Variants in FRMD4A observed in about 807,000 individuals in gnomAD.
The protein encoded by FRMD4A is FERM domain-containing protein 4A.
In FRMD4A, 29 loss-of-function variants were observed where a neutral mutation model predicts 129.1. That is an observed-to-expected ratio of 0.22 (90% confidence interval 0.17 to 0.31). FRMD4A has a LOEUF of 0.31. Ranked by LOEUF, FRMD4A falls within the 10% of genes least tolerant of loss-of-function variation. The pLI, the probability that FRMD4A is intolerant of heterozygous loss-of-function variation, is 1.00. For synonymous variants in FRMD4A, 634 were observed against 571.6 expected, an observed-to-expected ratio of 1.11 and a Z score of -1.56; for missense variants, 1,272 against 1,375.8, an observed-to-expected ratio of 0.92 and a Z score of 1.19.
At position 14,185,523 on chromosome 10, in the gene FRMD4A, G is replaced by T. The variant is rs551747930; in HGVS notation, c.45+144535C>A. On this transcript the variant is annotated intron_variant, in intron 2 of 24. Coordinates refer to ENST00000357447, the MANE Select transcript of FRMD4A (RefSeq NM_018027.5). The stretch of plus-strand genomic sequence containing the variant: ...TTCAAGTATTTTTTGGAGGTTTGTT[G>T]TAGAACTATGGAAACTTGAAACATA... 2.6e-5 allele frequency among the ~76,000 whole-genome samples: 4 copies of T among 152,172 alleles called. No individual in the cohort carries two copies. The South Asian group carries it at 6.2e-4, about 24-fold the overall frequency.
chr10:14,158,377 G>A (rs781676930), intron 2 of FRMD4A, among the ~76,000 whole-genome samples: 17 of 152,130 alleles, frequency 1.1e-4, no homozygotes, highest in African/African-American at 3.4e-4. Flanking sequence ...TTGGGAGGCC[G>A]AGGCAGGAAG....
intron 2 of FRMD4A, among the ~76,000 whole-genome samples, 164 bp from the exon 3 acceptor site, chr10:13,859,076 C>T (rs117119233): frequency 0.057 from 8,708 of 152,248 alleles, 328 homozygotes; most frequent in Admixed American, 0.1. Flanking sequence ...TTCATTCATT[C>T]ATTCAAAAAT....
chr10:13,766,700 G>T (rs2092298915), intron 6 of FRMD4A, among the ~76,000 whole-genome samples: 1 of 152,090 alleles, frequency 6.6e-6, no homozygotes, highest in Non-Finnish European at 1.5e-5. Flanking sequence ...CTTCCAGGTG[G>T]CTTTATCCTT....
chr10:14,158,674 G>A (rs1840723316), intron 2 of FRMD4A, among the ~76,000 whole-genome samples: 1 of 151,374 alleles, frequency 6.6e-6, no homozygotes, highest in Non-Finnish European at 1.5e-5. Flanking sequence ...GCAAGAAAGA[G>A]GAGGAGGAGG....
At chr10:14,144,371 G>A (rs971759251) in intron 2 of FRMD4A, among the ~76,000 whole-genome samples, 7 of 152,182 alleles carry the variant, frequency 4.6e-5, no homozygotes, top group African/African-American at 9.7e-5. Context: ...CTACGCATCC[G>A]AAGAATTCTT....
At chr10:14,172,019 G>A (rs2131886659) in intron 2 of FRMD4A, among the ~76,000 whole-genome samples, 1 of 152,280 alleles carries the variant, frequency 6.6e-6, no homozygotes, top group Non-Finnish European at 1.5e-5. Flanking sequence ...GGCAACTTAG[G>A]ATTTAAAACC....
chr10:13,945,429 T>C (rs1374116356), intron 2 of FRMD4A, among the ~76,000 whole-genome samples: 2 of 152,302 alleles, frequency 1.3e-5, no homozygotes, highest in South Asian at 2.1e-4. Flanking sequence ...ACAACCAGAA[T>C]GCTATCAAAT....
intron 8 of FRMD4A, among the ~76,000 whole-genome samples, chr10:13,754,796 T>C (rs1016045950): frequency 6.6e-6 from 1 of 152,142 alleles, no homozygotes; most frequent in South Asian, 2.1e-4. Flanking sequence ...ATGTTCCCAA[T>C]GTTAACTATT....
At chr10:13,816,617 C>T (rs1023803513) in intron 3 of FRMD4A, among the ~76,000 whole-genome samples, 2 of 152,200 alleles carry the variant, frequency 1.3e-5, no homozygotes, top group East Asian at 3.8e-4. Flanking sequence ...GATTAATATA[C>T]TACATTGTTC....
At chr10:13,958,450 AT>A (rs1311219956) in intron 2 of FRMD4A, among the ~76,000 whole-genome samples, 2 of 150,664 alleles carry the variant, frequency 1.3e-5, no homozygotes, top group Non-Finnish European at 3.0e-5. Flanking sequence ...TGCCTGGCTA[AT>A]TTTTTGTATT....
At chr10:14,235,867 A>G (rs1843795031) in intron 2 of FRMD4A, among the ~76,000 whole-genome samples, 1 of 152,180 alleles carries the variant, frequency 6.6e-6, no homozygotes. Context: ...ACAGACCACA[A>G]TTCCCGTGCC....
intron 2 of FRMD4A, among the ~76,000 whole-genome samples, chr10:14,093,804 A>T (rs11258861): frequency 0.42 from 64,129 of 152,028 alleles, 13,787 homozygotes; most frequent in East Asian, 0.66. Context: ...CTTAGAAGGA[A>T]GTTTACGACC....
At chr10:14,017,780 C>CACGTGGTA (rs2095703871) in intron 2 of FRMD4A, among the ~76,000 whole-genome samples, 1 of 152,284 alleles carries the variant, frequency 6.6e-6, no homozygotes, top group East Asian at 1.9e-4. Flanking sequence ...TGGGATGAGT[C>CACGTGGTA]ACGTGGTATA....
chr10:14,301,123 T>A (rs1846171599), intron 2 of FRMD4A, among the ~76,000 whole-genome samples: 1 of 152,214 alleles, frequency 6.6e-6, no homozygotes, highest in Non-Finnish European at 1.5e-5. Flanking sequence ...GGTTGACATA[T>A]TGTCACTCAT....
chr10:13,965,210 A>G (rs944770477), intron 2 of FRMD4A, among the ~76,000 whole-genome samples: 11 of 152,188 alleles, frequency 7.2e-5, no homozygotes, highest in Non-Finnish European at 1.6e-4. Flanking sequence ...AATGGCTTCC[A>G]GCAAGAACCC....
At chr10:13,846,559 A>G (rs1180920430) in intron 3 of FRMD4A, among the ~76,000 whole-genome samples, 22 of 152,198 alleles carry the variant, frequency 1.4e-4, no homozygotes, top group Non-Finnish European at 1.5e-5. Flanking sequence ...GTAGGGTCAC[A>G]TGGTGGCTTC....
Position 13,775,425 on chromosome 10 carries a change from AT to A in FRMD4A, c.384+7496del, listed in dbSNP as rs562787658. 1.2e-3 allele frequency among the ~76,000 whole-genome samples: 178 copies of A among 151,166 alleles called. 1 individual carries two copies. The highest frequency in any genetic ancestry group is 3.5e-3 in the African/African-American group (143 of 41,196). Reference sequence around the variant, plus strand: ...CAACGCCTTTGGTATTCTGAGAGAAATTTTTTTTTTGTATATTTCTATATCC... The same window carrying A: ...CAACGCCTTTGGTATTCTGAGAGAAATTTTTTTTTGTATATTTCTATATCC... On this transcript the variant is annotated intron_variant, in intron 6 of 24. Transcript: ENST00000357447.
chr10:14,217,647 G>A (rs1363905807), intron 2 of FRMD4A, among the ~76,000 whole-genome samples: 1 of 152,066 alleles, frequency 6.6e-6, no homozygotes, highest in Admixed American at 6.6e-5. Flanking sequence ...GTCATGAGGT[G>A]GTGGCCTAGT....
chr10:14,185,496 A>C (rs530568547), intron 2 of FRMD4A, among the ~76,000 whole-genome samples: 13 of 152,044 alleles, frequency 8.6e-5, no homozygotes, highest in Non-Finnish European at 1.5e-4. Flanking sequence ...AATTTTTCTA[A>C]CTTCAAGTAT....
Sources: allele counts gnomAD v4.1 joint callset (sites outside exome capture counted in the v4.1 genomes callset), GRCh38; gene constraint gnomAD v4.1.1; transcripts MANE v1.5; gene names NCBI Gene and HGNC (gene_info 2026-07-23, HGNC 2026-07-21).